NEB: variants seen among roughly 807,000 people sequenced by gnomAD.
NEB encodes the protein nemaline myopathy type 2.
In NEB, 512 loss-of-function variants were observed where a neutral mutation model predicts 952.2. That is an observed-to-expected ratio of 0.54 (90% confidence interval 0.50 to 0.58). The LOEUF (loss-of-function observed/expected upper bound fraction) is 0.58, where lower values mean the gene tolerates loss of function less well. NEB is among the 20% of genes least tolerant of loss of function. NEB has a pLI of 0.00. For synonymous variants in NEB, 2,900 were observed against 3,149.8 expected (o/e 0.92, Z 2.66); for missense variants, 8,428 against 9,231.1 (o/e 0.91, Z 3.56).
Position 151,562,120 on chromosome 2 carries a change from A to G in NEB, c.18986T>C (p.Leu6329Pro). 2 of 1,613,358 alleles carry G rather than the reference A, an allele frequency of 1.2e-6. No individual in the cohort carries two copies. The highest frequency in any genetic ancestry group is 1.7e-6 in the Non-Finnish European group (2 of 1,179,404). ...AGGAAGGTGGCTCACCTGACTCTGA[A>G]GGTCGTATGATTTCTTGGCATGGAG... is the stretch of plus-strand genomic sequence containing the variant. ...QILHAKKSYD[L>P]QSQLQYTAAG... The change falls in exon 121 of 182, where the codon CTT becomes CCT. Residue 6329 changes from leucine to proline, a missense_variant. Coordinates refer to ENST00000397345, the MANE Select transcript of NEB (RefSeq NM_001164508.2).
At chr2:151,717,243 C>A (rs1422365148) in intron 10 of NEB, among the ~76,000 whole-genome samples, 173 bp downstream of exon 10, 1 of 152,170 alleles carries the variant, frequency 6.6e-6, no homozygotes, top group East Asian at 1.9e-4. Context: ...TAACACAGTT[C>A]TTGACGTTTA....
intron 181 of NEB, among the ~76,000 whole-genome samples, chr2:151,487,120 C>T (rs2051298605): frequency 6.6e-6 from 1 of 152,022 alleles, no homozygotes; most frequent in Admixed American, 6.6e-5. Context: ...TATTTATGGC[C>T]TTTTTCTACC....
chr2:151,505,490 C>CT lies in NEB; in HGVS notation c.23729dup (p.His7911AlafsTer3). On this transcript the variant is annotated frameshift_variant, in exon 165 of 182. Coordinates refer to ENST00000397345, the MANE Select transcript of NEB (RefSeq NM_001164508.2). LOFTEE classifies it high-confidence loss of function. ...GTATGGCCACTACCGAGCTAATGTG[C>CT]TTCTGCGTCTCCTTCACACGTTTCA... 6.2e-7 allele frequency: 1 copy of CT among 1,613,524 alleles called. No individual in the cohort carries two copies. Among genetic ancestry groups the CT allele is most frequent in the Non-Finnish European group, 8.5e-7 (1 of 1,179,592 alleles).
In NEB at chr2:151,674,528, G is replaced by A. The variant is rs753005851; in HGVS notation, c.3936C>T (p.Gly1312=). The stretch of plus-strand genomic sequence containing the variant: ...TGGCTGCAGTGATGGGAATAGCATC[G>A]CCCAGCACATTGTTGCCCTTGGCTA... The part of the protein sequence containing the change: ...DLIAKGNNVL[G]DAIPITAAKA... The change falls in exon 36 of 182, where the codon GGC becomes GGT. Residue 1312 remains glycine, a synonymous_variant. Transcript: ENST00000397345. The A allele has an allele frequency of 6.6e-5, 107 of 1,613,782 alleles. No individual in the cohort carries two copies. The highest frequency in any genetic ancestry group is 1.6e-4 in the Middle Eastern group (1 of 6,084).
In NEB at chr2:151,662,345, CA is replaced by C; in HGVS notation, c.5764-5del. ...CATAGTCAGCCTTGTACTGATTCTG[CA>C]AAAGAGGAAAAATTAAATTATGAGA... On this transcript the variant is annotated splice_region_variant and splice_polypyrimidine_tract_variant and intron_variant, in intron 45 of 181. Transcript: ENST00000397345. 1 of 1,540,310 alleles carries C rather than the reference CA, an allele frequency of 6.5e-7. No homozygotes were observed. Among genetic ancestry groups the C allele is most frequent in the Non-Finnish European group, 8.8e-7 (1 of 1,139,848 alleles).
In NEB at chr2:151,667,784, T is replaced by C; in HGVS notation, c.4719+20A>G. The C allele has an allele frequency of 6.3e-7, 1 of 1,597,096 alleles. No individual in the cohort carries two copies. The highest frequency in any genetic ancestry group is 8.6e-7 in the Non-Finnish European group (1 of 1,166,044). On this transcript the variant is annotated intron_variant, in intron 40 of 181. Transcript: ENST00000397345. ...GAAGTCTTTTAGATAGAAAGTTTCC[T>C]ACTTTTAAGTTAGACTTACATCACT...
At position 151,570,372 on chromosome 2, in the gene NEB, A is replaced by G. The variant is rs1287758552; in HGVS notation, c.17139T>C (p.His5713=). Residue 5713 remains histidine, a synonymous_variant, in exon 109 of 182, where the codon CAT becomes CAC. Transcript: ENST00000397345. The stretch of plus-strand genomic sequence containing the variant: ...CCACGTAGTGTCCCTTCTGCTTCTC[A>G]TGGTCAAGCTTATATTTATACTGGA... ...IASDYKYKLD[H]EKQKGHYVGT... 1 of 1,581,872 alleles carries G rather than the reference A, an allele frequency of 6.3e-7. No individual in the cohort carries two copies. Among genetic ancestry groups the G allele is most frequent in the East Asian group, 2.2e-5 (1 of 44,446 alleles).
chr2:151,705,125 A>G (rs1055642538), intron 13 of NEB, among the ~76,000 whole-genome samples: 1 of 152,134 alleles, frequency 6.6e-6, no homozygotes, highest in African/African-American at 2.4e-5. Flanking sequence ...CCTCCCTCCT[A>G]TACCTATAAG....
chr2:151,493,461 G>T lies in NEB; in HGVS notation c.24673-16C>A. ...TGTACAATACCTAGGGAAGCCAAAA[G>T]AGCATCTAGGCATCAGACAGCAGAA... On this transcript the variant is annotated splice_polypyrimidine_tract_variant and intron_variant, in intron 175 of 181. Coordinates refer to ENST00000397345, the MANE Select transcript of NEB (RefSeq NM_001164508.2). 1 of 1,523,120 alleles carries T rather than the reference G, an allele frequency of 6.6e-7. No individual in the cohort carries two copies. Among genetic ancestry groups the T allele is most frequent in the Middle Eastern group, 1.7e-4 (1 of 5,778 alleles). The allele number at this position is 1,523,120 out of a possible 1,614,324, so 94.4% of individuals were successfully genotyped here. A position where few individuals can be genotyped will look rare whatever the true frequency, so the allele number is the denominator to read the frequency against.
chr2:151,575,836 A>G, intron 106 of NEB, 37 bp from the exon 107 acceptor site: 1 of 1,380,276 alleles, frequency 7.2e-7, no homozygotes, highest in Non-Finnish European at 1.0e-6. Context: ...ATTACTTCAC[A>G]ATTTTCATGT....
chr2:151,676,595 T>A (rs2099361620), intron 34 of NEB, among the ~76,000 whole-genome samples: 1 of 152,234 alleles, frequency 6.6e-6, no homozygotes, highest in Admixed American at 6.5e-5. Flanking sequence ...GCTTTTACAC[T>A]TTTTCATTCC....
rs1045878883 is a variant in NEB at position 151,530,168 on chromosome 2, G to A, written c.21630+826C>T. On this transcript the variant is annotated intron_variant, in intron 145 of 181. Coordinates refer to ENST00000397345, the MANE Select transcript of NEB (RefSeq NM_001164508.2). ...ACAATATTTGATGAATGAATGAACT[G>A]ATGAATACAGCAATCATTCTGCCTT... is the stretch of plus-strand genomic sequence containing the variant. Among the ~76,000 whole-genome samples, 3 of 152,152 alleles carry A rather than the reference G, an allele frequency of 2.0e-5. No homozygotes were observed. The South Asian group carries it at 6.2e-4, about 31-fold the overall frequency.
rs764672920 is a variant in NEB at position 151,518,333 on chromosome 2, T to C, written c.22785A>G (p.Thr7595=). The change falls in exon 156 of 182, where the codon ACA becomes ACG. Residue 7595 remains threonine, a synonymous_variant. Coordinates refer to ENST00000397345, the MANE Select transcript of NEB (RefSeq NM_001164508.2). ...NLEQLHLKEA[T]ELQSIVKYKE... is the part of the protein sequence containing the mutation. ...ATCCACTTACTATACTCTGTAATTC[T>C]GTGGCCTCTTTTAGGTGAAGCTGCT... The C allele has an allele frequency of 3.7e-6, 6 of 1,605,044 alleles. No individual in the cohort carries two copies. The African/African-American group carries it at 4.0e-5, about 11-fold the overall frequency.
intron 168 of NEB, 90 bp from the exon 169 acceptor site, chr2:151,499,480 A>C: frequency 1.4e-6 from 1 of 700,376 alleles, no homozygotes; most frequent in Non-Finnish European, 2.5e-6. Context: ...ATAAAACTAC[A>C]GACGTCAGAC....
Position 151,678,057 on chromosome 2 carries a change from T to C in NEB, c.3386A>G (p.Asp1129Gly), listed in dbSNP as rs2099386007. The change falls in exon 33 of 182, where the codon GAC becomes GGC. Residue 1129 changes from aspartate to glycine, a missense_variant. By Grantham distance (94) the Asp-to-Gly change is moderately conservative. Around this residue, in one of 11 missense-constraint regions of NEB, gnomAD observed 2,851 missense variants for 2,791.5 expected, o/e 1.02. Coordinates refer to ENST00000397345, the MANE Select transcript of NEB (RefSeq NM_001164508.2). ...GTATTTGGACTTTGTCTTCTCATAG[T>C]CTTTTTTATACTCCCGATCTGATTG... ...KIQSDREYKKDYEKTKSKYNT... is the reference protein window; with the variant it reads ...KIQSDREYKKGYEKTKSKYNT... 2.5e-6 allele frequency: 4 copies of C among 1,614,000 alleles called. No homozygotes were observed. Among genetic ancestry groups the C allele is most frequent in the Non-Finnish European group, 3.4e-6 (4 of 1,179,880 alleles).
At chr2:151,729,707 C>T (rs190747291) in intron 3 of NEB, 51 bp from the exon 4 acceptor site, 230 of 1,581,916 alleles carry the variant, frequency 1.5e-4, no homozygotes, top group Admixed American at 2.7e-4. Flanking sequence ...CAGAAACCAC[C>T]TCTCCTCTGC....
At position 151,503,419 on chromosome 2, in the gene NEB, C is replaced by T. The variant is rs1253296856; in HGVS notation, c.23765G>A (p.Gly7922Glu). ...AGTCACAGTGGTTGGAATGCCTGTT[C>T]CCAAGTTTTCTTTGTACATAACCTG... ...ISSVMYKENL[G>E]TGIPTTVTPE... The change falls in exon 166 of 182, where the codon GGA (glycine) becomes GAA (glutamate). Residue 7922 changes from glycine (G) to glutamate (E), a missense_variant. Transcript: ENST00000397345. The T allele has an allele frequency of 6.2e-7, 1 of 1,611,360 alleles. No individual in the cohort carries two copies. The highest frequency in any genetic ancestry group is 1.7e-4 in the Middle Eastern group (1 of 6,038).
At chr2:151,675,771 G>T (rs201413627) in intron 34 of NEB, among the ~76,000 whole-genome samples, 14,707 of 152,134 alleles carry the variant, frequency 0.097, 1,182 homozygotes, top group African/African-American at 0.22. Flanking sequence ...AGAGAAAGTA[G>T]TAGTTAGAAT....
Position 151,618,469 on chromosome 2 carries a change from T to C in NEB, c.10882A>G (p.Lys3628Glu). 2 of 1,613,416 alleles carry C rather than the reference T, an allele frequency of 1.2e-6. No individual in the cohort carries two copies. Among genetic ancestry groups the C allele is most frequent in the Non-Finnish European group, 1.7e-6 (2 of 1,179,646 alleles). The change falls in exon 74 of 182, where the codon AAG (lysine) becomes GAG (glutamate). Residue 3628 changes from lysine (K) to glutamate (E), a missense_variant. Coordinates refer to ENST00000397345, the MANE Select transcript of NEB (RefSeq NM_001164508.2). The stretch of plus-strand genomic sequence containing the variant: ...CCTTTCATCCATTCAAGGTCTGACT[T>C]ATACAAATTCTGCAGATCAACAGAT... Reference protein sequence around the residue: ...AYDLQSDNLYKSDLEWMKGIG... With the variant: ...AYDLQSDNLYESDLEWMKGIG...
Sources: allele counts gnomAD v4.1 joint callset (sites outside exome capture counted in the v4.1 genomes callset), GRCh38; gene constraint gnomAD v4.1.1; regional missense constraint gnomAD v4.1.1; transcripts MANE v1.5; gene names NCBI Gene and HGNC (gene_info 2026-07-23, HGNC 2026-07-21).